LVRN: variants seen among roughly 807,000 people sequenced by gnomAD.
LVRN encodes laeverin, also known as aminopeptidase Q.
Under a neutral mutation model 111.4 loss-of-function variants are expected in LVRN, and 99 were observed. That is an observed-to-expected ratio of 0.89 (90% confidence interval 0.76 to 1.05). LVRN has a LOEUF of 1.05. Among genes scored for constraint, LVRN ranks in the 50% least tolerant of loss-of-function variants. The probability of loss-of-function intolerance (pLI) is 0.00; values close to 1 mark genes in which losing one functional copy is unlikely to be tolerated. For missense variants in LVRN, 1,414 were observed against 1,206.8 expected (o/e 1.17, Z -2.54); for synonymous variants, 488 against 449.5 (o/e 1.09, Z -1.08).
chr5:116,017,891 T>G (rs1243916550), intron 18 of LVRN, among the ~76,000 whole-genome samples: 3 of 152,222 alleles, frequency 2.0e-5, no homozygotes, highest in Non-Finnish European at 4.4e-5. Flanking sequence ...TCTATTTTTA[T>G]GAAATTTATA....
chr5:116,008,605 T>C (rs1427277483), intron 13 of LVRN, among the ~76,000 whole-genome samples: 2 of 148,592 alleles, frequency 1.3e-5, no homozygotes, highest in Admixed American at 1.3e-4. Flanking sequence ...CATGAATGAT[T>C]AAAAAAAAAA....
chr5:116,007,238 C>T (rs541792265), intron 13 of LVRN, among the ~76,000 whole-genome samples: 38 of 152,258 alleles, frequency 2.5e-4, no homozygotes, highest in African/African-American at 8.7e-4. Flanking sequence ...TGTTTAAATA[C>T]CCAGAGTACC....
intron 4 of LVRN, among the ~76,000 whole-genome samples, chr5:115,988,981 A>C (rs1426254004): frequency 1.3e-5 from 2 of 152,024 alleles, no homozygotes; most frequent in Non-Finnish European, 2.9e-5. Flanking sequence ...CCCTCTATCT[A>C]ATTAGTCACC....
At chr5:115,989,387 T>C (rs988861213) in intron 4 of LVRN, among the ~76,000 whole-genome samples, 4 of 152,196 alleles carry the variant, frequency 2.6e-5, no homozygotes, top group Non-Finnish European at 5.9e-5. Flanking sequence ...CATCCTGAAA[T>C]GGCTTCTATC....
At chr5:115,995,151 A>G (rs552292023) in intron 6 of LVRN, among the ~76,000 whole-genome samples, 1 of 152,356 alleles carries the variant, frequency 6.6e-6, no homozygotes, top group South Asian at 2.1e-4. Flanking sequence ...AGGAGATTCT[A>G]AGATGATATT....
chr5:115,974,522 T>A (rs1753396317), intron 1 of LVRN: 2 of 152,350 alleles, frequency 1.3e-5, no homozygotes, highest in Admixed American at 6.5e-5. Context: ...TAATAAAACT[T>A]CTTGGGCGTT....
intron 4 of LVRN, among the ~76,000 whole-genome samples, 198 bp downstream of exon 4, chr5:115,988,137 T>C (rs1747911336): frequency 1.3e-5 from 2 of 152,272 alleles, no homozygotes; most frequent in South Asian, 4.1e-4. Flanking sequence ...TACAGAGCCA[T>C]GTGCTCAGCA....
intron 14 of LVRN, 149 bp downstream of exon 14, chr5:116,011,043 C>CATAGTAGTTATGT: frequency 5.8e-6 from 1 of 171,946 alleles, no homozygotes; most frequent in Non-Finnish European, 1.0e-5. Flanking sequence ...ATATACATTT[C>CATAGTAGTTATGT]CTTAACAAGG....
In LVRN at chr5:116,012,334, C is replaced by T. The variant is rs769787648; in HGVS notation, c.2248-40C>T. 8.0e-6 allele frequency: 9 copies of T among 1,121,798 alleles called. No homozygotes were observed. In the South Asian group the frequency reaches 1.1e-4, roughly 14 times the overall value. 69.5% of individuals were successfully genotyped at this position (1,121,798 alleles called of 1,614,324 possible). On this transcript the variant is annotated intron_variant, in intron 14 of 19. Coordinates refer to ENST00000357872, the MANE Select transcript of LVRN (RefSeq NM_173800.5). ...AAACACAGTGAAAATTCAGTGTTTG[C>T]AAGCCAGAACTAACAGTGTATTTTC...
chr5:116,000,295 C>T, intron 7 of LVRN, 138 bp from the exon 8 acceptor site: 1 of 1,211,650 alleles, frequency 8.3e-7, no homozygotes, highest in Non-Finnish European at 1.2e-6. Context: ...TTAGCACATT[C>T]CAAAATAATT....
intron 6 of LVRN, among the ~76,000 whole-genome samples, chr5:115,996,048 A>T (rs1327603920): frequency 1.3e-5 from 2 of 152,006 alleles, no homozygotes; most frequent in Non-Finnish European, 2.9e-5. Flanking sequence ...TATGCCTACA[A>T]AATTGTTTGT....
chr5:115,980,680 A>G (rs1183516250), intron 1 of LVRN, among the ~76,000 whole-genome samples: 1 of 152,118 alleles, frequency 6.6e-6, no homozygotes, highest in Non-Finnish European at 1.5e-5. Flanking sequence ...TTGTGAGGTC[A>G]TGGCAGCTGA....
chr5:115,962,612 C>T lies in LVRN; in HGVS notation c.-6C>T. The T allele has an allele frequency of 1.9e-6, 3 of 1,589,722 alleles. No homozygotes were observed. The highest frequency in any genetic ancestry group is 2.6e-6 in the Non-Finnish European group (3 of 1,169,968). On this transcript the variant is annotated 5_prime_UTR_variant, in exon 1 of 20. Coordinates refer to ENST00000357872, the MANE Select transcript of LVRN (RefSeq NM_173800.5). The stretch of plus-strand genomic sequence containing the variant: ...TCCAGCCTCGCGCCTGAACCCGGTC[C>T]CTGCCATGGGGCCCCCTTCCAGCTC...
chr5:115,964,944 A>G (rs1031209503), intron 1 of LVRN, among the ~76,000 whole-genome samples: 1 of 152,226 alleles, frequency 6.6e-6, no homozygotes, highest in Non-Finnish European at 1.5e-5. Context: ...AGCCAGGGTC[A>G]TGAAGAACCT....
chr5:115,962,568 G>A lies in LVRN; in HGVS notation c.-50G>A. On this transcript the variant is annotated 5_prime_UTR_variant, in exon 1 of 20. Transcript: ENST00000357872. ...GAACACCCTGGCCGGGGTTTTGACA[G>A]CTGCCACAGTCTCTGAGCTCCAGCC... 6.5e-7 allele frequency: 1 copy of A among 1,536,734 alleles called. No homozygotes were observed. The highest frequency in any genetic ancestry group is 1.4e-5 in the African/African-American group (1 of 73,754).
intron 7 of LVRN, 80 bp downstream of exon 7, chr5:115,999,982 A>G: frequency 7.1e-7 from 1 of 1,410,906 alleles, no homozygotes; most frequent in Non-Finnish European, 9.6e-7. Flanking sequence ...GTCCTATATC[A>G]TCATACAACT....
chr5:116,008,487 G>A (rs1357182097), intron 13 of LVRN, among the ~76,000 whole-genome samples: 3 of 152,156 alleles, frequency 2.0e-5, no homozygotes, highest in African/African-American at 7.2e-5. Flanking sequence ...AGGAAGGCAT[G>A]TTGAAATTGA....
rs576269688 is a variant in LVRN at position 115,998,872 on chromosome 5, A to G, written c.1375-890A>G. On this transcript the variant is annotated intron_variant, in intron 6 of 19. Transcript: ENST00000357872. Reference sequence around the variant, plus strand: ...GTTTGATAATGGCCTAATCAATGGTATTACTAGCCTAAAAATAATGTGCTA... The same window carrying G: ...GTTTGATAATGGCCTAATCAATGGTGTTACTAGCCTAAAAATAATGTGCTA... 4.1e-4 allele frequency among the ~76,000 whole-genome samples: 63 copies of G among 152,344 alleles called. 1 individual carries two copies. The highest frequency in any genetic ancestry group is 1.4e-3 in the African/African-American group (57 of 41,578).
rs566368990 is a variant in LVRN, at chr5:116,024,130, A to G, written c.2832+1664A>G. On this transcript the variant is annotated intron_variant, in intron 19 of 19. Coordinates refer to ENST00000357872, the MANE Select transcript of LVRN (RefSeq NM_173800.5). ...CTGCAAGGACCCTTTTTTGGGTAGA[A>G]GAAATGTACTTGATCGTGTATATGG... Among the ~76,000 whole-genome samples the G allele has an allele frequency of 1.3e-3, 197 of 152,314 alleles. 2 individuals carry two copies. The highest frequency in any genetic ancestry group is 4.6e-3 in the African/African-American group (191 of 41,572).
Sources: gnomAD v4.1 joint callset for allele counts (sites outside exome capture counted in the v4.1 genomes callset) on GRCh38, gnomAD v4.1.1 for gene constraint, MANE v1.5 for transcripts, NCBI Gene and HGNC (gene_info 2026-07-23, HGNC 2026-07-21) for gene names.